Variants in NTM observed in about 807,000 individuals in gnomAD.
The protein encoded by NTM is neurotrimin, also known as IgLON family member 2.
In NTM, 13 loss-of-function variants were observed where a neutral mutation model predicts 42.1. The observed-to-expected ratio is 0.31, with a 90% confidence interval of 0.20 to 0.49. The LOEUF is 0.49. Among genes scored for constraint, NTM ranks in the 20% least tolerant of loss-of-function variants. The probability of loss-of-function intolerance (pLI) is 0.99; values close to 1 mark genes in which losing one functional copy is unlikely to be tolerated. For synonymous variants in NTM, 187 were observed against 179.2 expected, an observed-to-expected ratio of 1.04 and a Z score of -0.35; for missense variants, 373 against 452.8, an observed-to-expected ratio of 0.82 and a Z score of 1.60.
intron 1 of NTM, among the ~76,000 whole-genome samples, chr11:131,722,853 G>T (rs1158727488): frequency 6.6e-6 from 1 of 152,202 alleles, no homozygotes; most frequent in Non-Finnish European, 1.5e-5. Flanking sequence ...AGAACAGAGT[G>T]ACCCAGAAAC....
At chr11:131,978,410 C>A (rs998354730) in intron 2 of NTM, among the ~76,000 whole-genome samples, 6 of 152,130 alleles carry the variant, frequency 3.9e-5, no homozygotes, top group Non-Finnish European at 4.4e-5. Flanking sequence ...CGGGTCAGAG[C>A]ACCTATTCTT....
chr11:131,860,712 A>G (rs990814187), intron 1 of NTM, among the ~76,000 whole-genome samples: 3 of 152,148 alleles, frequency 2.0e-5, no homozygotes, highest in African/African-American at 7.2e-5. Flanking sequence ...AGGCCTTTCT[A>G]AGGGCAGCAG....
chr11:132,249,671 G>A (rs999254439), intron 4 of NTM, among the ~76,000 whole-genome samples: 1 of 152,204 alleles, frequency 6.6e-6, no homozygotes, highest in Non-Finnish European at 1.5e-5. Flanking sequence ...CTATTAAGGT[G>A]AGAAAGGCTG....
At chr11:132,097,968 G>A (rs181690023) in intron 2 of NTM, among the ~76,000 whole-genome samples, 17 of 152,300 alleles carry the variant, frequency 1.1e-4, no homozygotes, top group Non-Finnish European at 2.2e-4. Context: ...TATTCTACCA[G>A]TTCTGCTTTT....
rs572051583 is a variant in NTM, at chr11:131,779,625, T to C, written c.83-131939T>C. ...CTCTAAGAGTAGCTTCTACCTGAGA[T>C]AGCCAGGGCACAAGGAGGAAGTCAG... On this transcript the variant is annotated intron_variant, in intron 1 of 8. Transcript: ENST00000683400. 2.0e-5 allele frequency among the ~76,000 whole-genome samples: 3 copies of C among 152,232 alleles called. No individual in the cohort carries two copies. The East Asian group carries it at 5.8e-4, about 29-fold the overall frequency.
At chr11:131,503,698 C>T (rs372134501) in intron 1 of NTM, among the ~76,000 whole-genome samples, 1 of 151,192 alleles carries the variant, frequency 6.6e-6, no homozygotes, top group African/African-American at 2.4e-5. Flanking sequence ...AATTGTTTCT[C>T]TTTTTTTTGT....
In NTM at chr11:132,072,273, C is replaced by A. The variant is rs150134757; in HGVS notation, c.168-74009C>A. Among the ~76,000 whole-genome samples the A allele has an allele frequency of 3.3e-5, 5 of 152,212 alleles. No homozygotes were observed. The East Asian group carries it at 9.7e-4, about 29-fold the overall frequency. ...CTTTTGAATACCATGTCTTGTAAAC[C>A]CCAGGATATGACAAGCCTCTTTAGA... is the stretch of plus-strand genomic sequence containing the variant. On this transcript the variant is annotated intron_variant, in intron 2 of 8. Transcript: ENST00000683400.
At chr11:131,749,132 C>T (rs1310661297) in intron 1 of NTM, among the ~76,000 whole-genome samples, 1 of 152,224 alleles carries the variant, frequency 6.6e-6, no homozygotes, top group Non-Finnish European at 1.5e-5. Flanking sequence ...ATGCAGCCAA[C>T]TTTACTTCCG....
At chr11:132,023,413 A>G (rs2074650199) in intron 2 of NTM, among the ~76,000 whole-genome samples, 1 of 152,222 alleles carries the variant, frequency 6.6e-6, no homozygotes. Context: ...AACAGCTGTG[A>G]AATTGAGCCT....
intron 1 of NTM, among the ~76,000 whole-genome samples, chr11:131,718,854 T>C (rs2078013008): frequency 6.6e-6 from 1 of 152,184 alleles, no homozygotes; most frequent in African/African-American, 2.4e-5. Flanking sequence ...TCAGCTGGGA[T>C]GAATGCTGTG....
chr11:131,731,364 TC>T (rs2079660538), intron 1 of NTM, among the ~76,000 whole-genome samples: 1 of 148,860 alleles, frequency 6.7e-6, no homozygotes, highest in Non-Finnish European at 1.5e-5. Flanking sequence ...CTTGGGCAGG[TC>T]AACACTTAGT....
intron 2 of NTM, among the ~76,000 whole-genome samples, chr11:132,083,970 A>G (rs559403891): frequency 4.6e-5 from 7 of 152,268 alleles, no homozygotes; most frequent in Admixed American, 1.3e-4. Context: ...AAAAAAAATT[A>G]GCAATATTTT....
chr11:131,532,921 T>C (rs971781733), intron 1 of NTM, among the ~76,000 whole-genome samples: 4 of 152,192 alleles, frequency 2.6e-5, no homozygotes, highest in African/African-American at 9.6e-5. Context: ...GTTGAGTTTT[T>C]CATTGTTGTT....
chr11:131,458,883 C>A (rs1014041809), intron 1 of NTM, among the ~76,000 whole-genome samples: 1 of 152,244 alleles, frequency 6.6e-6, no homozygotes. Flanking sequence ...GTAGTCCAAG[C>A]ATTTACATTT....
At chr11:131,419,234 G>C (rs1947264119) in intron 1 of NTM, among the ~76,000 whole-genome samples, 3 of 152,288 alleles carry the variant, frequency 2.0e-5, no homozygotes, top group South Asian at 2.1e-4. Flanking sequence ...TCTAGTAATG[G>C]AGTCTAGTCC....
intron 4 of NTM, among the ~76,000 whole-genome samples, chr11:132,215,759 T>C (rs2083719035): frequency 6.6e-6 from 1 of 152,262 alleles, no homozygotes; most frequent in South Asian, 2.1e-4. Context: ...GTGAGCTAGC[T>C]TTTTAAAGAT....
chr11:131,819,815 CTG>C (rs1174519358), intron 1 of NTM, among the ~76,000 whole-genome samples: 3 of 152,166 alleles, frequency 2.0e-5, no homozygotes, highest in African/African-American at 7.2e-5. Flanking sequence ...TAGAATTTTC[CTG>C]TGTGTCTCTG....
chr11:131,593,339 A>G (rs1268831263), intron 1 of NTM, among the ~76,000 whole-genome samples: 1 of 152,132 alleles, frequency 6.6e-6, no homozygotes, highest in Non-Finnish European at 1.5e-5. Flanking sequence ...CAAGTGAGGG[A>G]GCAATTGCCT....
At chr11:132,205,923 T>C (rs1383962767) in intron 3 of NTM, among the ~76,000 whole-genome samples, 2 of 152,120 alleles carry the variant, frequency 1.3e-5, no homozygotes. Flanking sequence ...TCCCCAAAAG[T>C]AGTTCCCCCT....
Sources: allele counts gnomAD v4.1 joint callset (sites outside exome capture counted in the v4.1 genomes callset), GRCh38; gene constraint gnomAD v4.1.1; transcripts MANE v1.5; gene names NCBI Gene and HGNC (gene_info 2026-07-23, HGNC 2026-07-21).